HMGN1: variants seen among roughly 807,000 people sequenced by gnomAD.
The protein encoded by HMGN1 is high mobility group nucleosome binding domain 1.
A neutral mutation model predicts 18.4 loss-of-function variants in HMGN1; 9 were observed. That is an observed-to-expected ratio of 0.49 (90% CI 0.29 to 0.85). The LOEUF (loss-of-function observed/expected upper bound fraction) is 0.85, where lower values mean the gene tolerates loss of function less well. HMGN1 is among the 40% of genes least tolerant of loss of function. The pLI, the probability that HMGN1 is intolerant of heterozygous loss-of-function variation, is 0.07. For missense variants in HMGN1, 151 were observed against 119.2 expected (o/e 1.27, Z -1.24); for synonymous variants, 59 against 45.0 (o/e 1.31, Z -1.24).
In HMGN1 at chr21:39,345,248, T is replaced by C; in HGVS notation, c.153A>G (p.Gln51=). The part of the protein sequence containing the change: ...AKDKSSDKKV[Q]TKGKRGAKGK... ...CCTTTGCTCCCCTTTTCCCTTTTGTTTGCACTTTTTTGTCTGAAGATTTAT... is the reference window on the plus strand; with the variant it reads ...CCTTTGCTCCCCTTTTCCCTTTTGTCTGCACTTTTTTGTCTGAAGATTTAT... Residue 51 remains glutamine (Q), a synonymous_variant, in exon 5 of 6, where the codon CAA becomes CAG. Coordinates refer to ENST00000380749, the MANE Select transcript of HMGN1 (RefSeq NM_004965.7). 6.2e-7 allele frequency: 1 copy of C among 1,613,640 alleles called. No homozygotes were observed.
chr21:39,345,729 A>G (rs1385062690), intron 4 of HMGN1: 1 of 721,294 alleles, frequency 1.4e-6, no homozygotes, highest in Non-Finnish European at 2.1e-6. Context: ...TGAATACCGG[A>G]GGAGTCTCGT....
chr21:39,344,164 G>A (rs2036959701), intron 5 of HMGN1, among the ~76,000 whole-genome samples: 2 of 148,380 alleles, frequency 1.3e-5, no homozygotes, highest in African/African-American at 2.5e-5. Context: ...GCTGAGGCAG[G>A]ATAATCGCTT....
intron 1 of HMGN1, 22 bp from the exon 2 acceptor site, chr21:39,348,599 A>C (rs1393349198): frequency 1.3e-6 from 2 of 1,579,716 alleles, no homozygotes; most frequent in South Asian, 1.1e-5. Context: ...GAGACGCACG[A>C]ATAGAGGCGG....
At position 39,343,153 on chromosome 21, in the gene HMGN1, C is replaced by G. The variant is rs147235149; in HGVS notation, c.262G>C (p.Ala88Pro). ...NGETKTEESPASDEAGEKEAK... is the reference protein window; with the variant it reads ...NGETKTEESPPSDEAGEKEAK... ...TCTTTCTCTCCTGCTTCATCAGAGG[C>G]TGGACTCTGCAAAAGAAAGGAAATT... The change falls in exon 6 of 6, where the codon GCC becomes CCC. Residue 88 changes from alanine (A) to proline (P), a missense_variant. By Grantham distance (27) the Ala-to-Pro change is conservative. Coordinates refer to ENST00000380749, the MANE Select transcript of HMGN1 (RefSeq NM_004965.7). The G allele has an allele frequency of 1.9e-6, 3 of 1,598,052 alleles. No homozygotes were observed. In the African/African-American group the frequency reaches 4.0e-5, roughly 22 times the overall value.
At chr21:39,346,114 G>A (rs1297284804) in intron 4 of HMGN1, 3 of 416,080 alleles carry the variant, frequency 7.2e-6, no homozygotes, top group Non-Finnish European at 1.3e-5. Context: ...GTATACAGCA[G>A]CAGCTAAATT....
chr21:39,347,079 C>CACACAA (rs1555884218), intron 4 of HMGN1: 40 of 154,642 alleles, frequency 2.6e-4, no homozygotes, highest in African/African-American at 3.9e-4. Context: ...CACACACACA[C>CACACAA]AATAAAAAAA....
At chr21:39,348,819 G>A in intron 1 of HMGN1, 84 bp downstream of exon 1, 2 of 1,052,742 alleles carry the variant, frequency 1.9e-6, no homozygotes, top group Non-Finnish European at 2.4e-6. Flanking sequence ...CACCGTGGGT[G>A]CAACGGGGCC....
intron 1 of HMGN1, 44 bp from the exon 2 acceptor site, chr21:39,348,621 A>C (rs1369474000): frequency 6.6e-7 from 1 of 1,510,688 alleles, no homozygotes; most frequent in African/African-American, 1.4e-5. Context: ...CCGCAGTCCC[A>C]GGACTCGCGG....
intron 4 of HMGN1, chr21:39,345,565 G>T: frequency 2.1e-6 from 1 of 470,808 alleles, no homozygotes; most frequent in Non-Finnish European, 3.9e-6. Context: ...CCAGTAATCA[G>T]GAAAACAATG....
At chr21:39,345,405 G>T in intron 4 of HMGN1, 131 bp from the exon 5 acceptor site, 1 of 813,568 alleles carries the variant, frequency 1.2e-6, no homozygotes, top group Non-Finnish European at 2.0e-6. Flanking sequence ...GTTTGAGAGA[G>T]GGACATCTCA....
intron 1 of HMGN1, 61 bp from the exon 2 acceptor site, chr21:39,348,638 C>T: frequency 6.6e-7 from 1 of 1,513,048 alleles, no homozygotes; most frequent in Middle Eastern, 2.4e-4. Flanking sequence ...GCGGGCCCGC[C>T]CGGCCCCGAG....
At chr21:39,347,247 C>T (rs1165589996) in intron 4 of HMGN1, 3 of 709,390 alleles carry the variant, frequency 4.2e-6, no homozygotes, top group Non-Finnish European at 1.9e-6. Context: ...ATTCTCATAC[C>T]TTCCGTGAAG....
chr21:39,348,275 C>G lies in HMGN1; in HGVS notation c.126+17G>C. 1 of 1,613,904 alleles carries G rather than the reference C, an allele frequency of 6.2e-7. No individual in the cohort carries two copies. On this transcript the variant is annotated intron_variant, in intron 4 of 5. Transcript: ENST00000380749. The stretch of plus-strand genomic sequence containing the variant: ...CCTAAGGCCCCGCTGCATCCCAATG[C>G]GCGTTTCGAGGCTTACCTTCGCTGC...
chr21:39,348,180 A>G (rs769729670), intron 4 of HMGN1, 112 bp downstream of exon 4: 6 of 1,357,204 alleles, frequency 4.4e-6, no homozygotes, highest in African/African-American at 1.5e-5. Context: ...TATTTACCGT[A>G]ATTATTAAAG....
intron 4 of HMGN1, chr21:39,347,801 G>T: frequency 3.0e-6 from 1 of 328,266 alleles, no homozygotes. Context: ...AACACTTCCA[G>T]AGTAGTGGCG....
intron 1 of HMGN1, 45 bp downstream of exon 1, chr21:39,348,858 G>T (rs2037167827): frequency 2.8e-6 from 3 of 1,081,428 alleles, no homozygotes; most frequent in South Asian, 4.4e-5. Flanking sequence ...GCGGGGCGCC[G>T]GCGGCGGCTC....
intron 4 of HMGN1, chr21:39,345,813 A>G: frequency 7.7e-7 from 1 of 1,297,412 alleles, no homozygotes; most frequent in Non-Finnish European, 1.0e-6. Context: ...CTTAACCCTC[A>G]CATTAAGACC....
chr21:39,348,477 G>C (rs745938759), intron 2 of HMGN1, 26 bp from the exon 3 acceptor site: 2 of 1,614,158 alleles, frequency 1.2e-6, no homozygotes, highest in Non-Finnish European at 1.7e-6. Context: ...AGGAGAGTCA[G>C]CGAGAAGAGA....
chr21:39,348,637 C>A, intron 1 of HMGN1, 60 bp from the exon 2 acceptor site: 1 of 1,510,892 alleles, frequency 6.6e-7, no homozygotes, highest in African/African-American at 1.4e-5. Flanking sequence ...CGCGGGCCCG[C>A]CCGGCCCCGA....
Sources: allele counts gnomAD v4.1 joint callset (sites outside exome capture counted in the v4.1 genomes callset), GRCh38; gene constraint gnomAD v4.1.1; transcripts MANE v1.5; gene names NCBI Gene and HGNC (gene_info 2026-07-23, HGNC 2026-07-21).